The following TOGARAM2 variants were observed in gnomAD, a reference collection of about 807,000 sequenced individuals.
TOGARAM2 encodes TOG array regulator of axonemal microtubules protein 2.
TOGARAM2 carries 85 observed loss-of-function variants against 93.3 expected under a neutral mutation model. That is an observed-to-expected ratio of 0.91 (90% CI 0.76 to 1.09). The LOEUF is 1.09. Ranked by LOEUF, TOGARAM2 falls within the 50% of genes least tolerant of loss-of-function variation. The probability of loss-of-function intolerance (pLI) is 0.00; values close to 1 mark genes in which losing one functional copy is unlikely to be tolerated. For missense variants in TOGARAM2, 1,277 were observed against 1,334.5 expected (o/e 0.96, Z 0.67); for synonymous variants, 593 against 552.8 (o/e 1.07, Z -1.02).
In TOGARAM2 at chr2:29,022,185, T is replaced by C; in HGVS notation, c.1388T>C (p.Leu463Ser). 6.2e-7 allele frequency: 1 copy of C among 1,614,030 alleles called. No homozygotes were observed. Among genetic ancestry groups the C allele is most frequent in the Non-Finnish European group, 8.5e-7 (1 of 1,179,894 alleles). The change falls in exon 11 of 20, where the codon TTG (leucine) becomes TCG (serine). Residue 463 changes from leucine (L) to serine (S), a missense_variant. By Grantham distance (145) the Leu-to-Ser change is moderately radical. Coordinates refer to ENST00000379558, the MANE Select transcript of TOGARAM2 (RefSeq NM_199280.4). The part of the protein sequence containing the change: ...SANSLPAVLT[L>S]GSPEWEEEEE... ...AACTCATTACCTGCGGTGCTCACGT[T>C]GGGGTCTCCTGAATGGGAAGAAGAG...
At chr2:29,021,197 A>AG (rs1352622546) in intron 10 of TOGARAM2, among the ~76,000 whole-genome samples, 4 of 152,204 alleles carry the variant, frequency 2.6e-5, no homozygotes, top group Non-Finnish European at 5.9e-5. Flanking sequence ...TACAGATGTG[A>AG]GCCACTGTGC....
intron 1 of TOGARAM2, among the ~76,000 whole-genome samples, chr2:28,984,971 A>G (rs547936325): frequency 3.9e-5 from 6 of 152,340 alleles, no homozygotes; most frequent in African/African-American, 1.4e-4. Flanking sequence ...TGTGATGCCT[A>G]TAGGGGTATG....
chr2:28,981,829 C>T (rs1304027395), intron 1 of TOGARAM2, among the ~76,000 whole-genome samples: 4 of 152,162 alleles, frequency 2.6e-5, no homozygotes, highest in Non-Finnish European at 5.9e-5. Context: ...ACCCCTTCCC[C>T]GAGTCATGGC....
intron 1 of TOGARAM2, among the ~76,000 whole-genome samples, chr2:28,989,949 G>A (rs578198953): frequency 1.4e-4 from 21 of 152,368 alleles, no homozygotes; most frequent in African/African-American, 5.1e-4. Flanking sequence ...GAATGAATGA[G>A]TGAATCTCAC....
chr2:28,988,859 C>T (rs1558404589), intron 1 of TOGARAM2, among the ~76,000 whole-genome samples: 1 of 152,170 alleles, frequency 6.6e-6, no homozygotes, highest in Non-Finnish European at 1.5e-5. Flanking sequence ...ATAATGGTCA[C>T]ATCCAATTGG....
chr2:29,026,833 G>A lies in TOGARAM2; in HGVS notation c.1854-20G>A, dbSNP rs1235459277. On this transcript the variant is annotated intron_variant, in intron 13 of 19. Transcript: ENST00000379558. ...CACCACTATCCTGAGACTGACCCCT[G>A]GGCCATGATTTCCTTTCAGCCACCG... The A allele has an allele frequency of 6.4e-7, 1 of 1,568,630 alleles. No individual in the cohort carries two copies.
chr2:28,957,965 G>A (rs1453668306), intron 1 of TOGARAM2, among the ~76,000 whole-genome samples: 2 of 152,252 alleles, frequency 1.3e-5, no homozygotes, highest in East Asian at 3.9e-4. Context: ...TAATTAGGAT[G>A]TGAGGTAGAA....
At chr2:28,976,352 C>A (rs947012638), upstream of TOGARAM2, among the ~76,000 whole-genome samples, 1 of 152,198 alleles carries the variant, frequency 6.6e-6, no homozygotes. Flanking sequence ...GCCTGGGCGA[C>A]AGAGTGAGAC....
intron 1 of TOGARAM2, among the ~76,000 whole-genome samples, chr2:28,985,738 CTTCTA>C (rs1040061709): frequency 6.6e-6 from 1 of 152,136 alleles, no homozygotes; most frequent in African/African-American, 2.4e-5. Context: ...AGACACTTTT[CTTCTA>C]TTCATCAGAA....
At chr2:28,957,271 C>A (rs113802971) in intron 1 of TOGARAM2, among the ~76,000 whole-genome samples, 10 of 152,054 alleles carry the variant, frequency 6.6e-5, no homozygotes, top group Admixed American at 2.0e-4. Context: ...TTTCGGCTCA[C>A]TGCAACTTTC....
At chr2:29,000,023 A>T (rs901711763) in intron 4 of TOGARAM2, among the ~76,000 whole-genome samples, 1 of 152,140 alleles carries the variant, frequency 6.6e-6, no homozygotes, top group Admixed American at 6.5e-5. Flanking sequence ...CCCTCCTCAA[A>T]GAGGCCTCCT....
At chr2:29,007,622 C>A (rs980669715) in intron 6 of TOGARAM2, among the ~76,000 whole-genome samples, 1 of 152,096 alleles carries the variant, frequency 6.6e-6, no homozygotes, top group Non-Finnish European at 1.5e-5. Flanking sequence ...TTTCCTGCTT[C>A]CCCCGCCACC....
At chr2:28,998,086 C>T in intron 2 of TOGARAM2, 57 bp from the exon 3 acceptor site, 1 of 1,251,024 alleles carries the variant, frequency 8.0e-7, no homozygotes, top group Non-Finnish European at 1.1e-6. Context: ...TTGGTTTGCT[C>T]CCAGTCTTGG....
chr2:29,046,951 C>T (rs1666782901), intron 19 of TOGARAM2: 2 of 152,476 alleles, frequency 1.3e-5, no homozygotes, highest in Non-Finnish European at 2.9e-5. Flanking sequence ...TCCCTGTGTG[C>T]TTCTCAAGAC....
intron 2 of TOGARAM2, among the ~76,000 whole-genome samples, chr2:28,997,701 A>AG (rs756194317): frequency 9.2e-5 from 14 of 152,218 alleles, no homozygotes; most frequent in Admixed American, 2.6e-4. Context: ...GGGATTGGTC[A>AG]GGGCGGAAGC....
intron 1 of TOGARAM2, among the ~76,000 whole-genome samples, chr2:28,988,181 T>C (rs1266072051): frequency 6.6e-6 from 1 of 152,126 alleles, no homozygotes; most frequent in Non-Finnish European, 1.5e-5. Flanking sequence ...ATCACAAGGG[T>C]AGGTGCTGCC....
At chr2:29,017,406 G>T (rs11899716) in intron 9 of TOGARAM2, 102 bp downstream of exon 9, 255,449 of 1,132,258 alleles carry the variant, frequency 0.23, 30,073 homozygotes, top group African/African-American at 0.25. Flanking sequence ...ATTTTTATTA[G>T]TATTTATGTA....
intron 4 of TOGARAM2, 137 bp downstream of exon 4, chr2:28,999,605 G>GA: frequency 9.9e-7 from 1 of 1,014,770 alleles, no homozygotes; most frequent in South Asian, 1.7e-5. Context: ...GTACATACCA[G>GA]GTACCTTCTC....
intron 4 of TOGARAM2, 147 bp downstream of exon 4, chr2:28,999,615 C>G: frequency 1.0e-6 from 1 of 963,928 alleles, no homozygotes; most frequent in Non-Finnish European, 1.5e-6. Flanking sequence ...GGTACCTTCT[C>G]TATGGCTTCA....
Sources: gnomAD v4.1 joint callset for allele counts (sites outside exome capture counted in the v4.1 genomes callset) on GRCh38, gnomAD v4.1.1 for gene constraint, MANE v1.5 for transcripts, NCBI Gene and HGNC (gene_info 2026-07-23, HGNC 2026-07-21) for gene names.